Variants in TRMT10B observed in about 807,000 individuals in gnomAD.
TRMT10B encodes the protein tRNA methyltransferase 10 homolog B.
Under a neutral mutation model 43.8 loss-of-function variants are expected in TRMT10B, and 33 were observed. That is an observed-to-expected ratio of 0.75 (90% CI 0.57 to 1.01). TRMT10B has a LOEUF of 1.01. Among genes scored for constraint, TRMT10B ranks in the 50% least tolerant of loss-of-function variants. TRMT10B has a pLI of 0.00. For missense variants in TRMT10B, 362 were observed against 369.8 expected (o/e 0.98, Z 0.17); for synonymous variants, 137 against 130.6 (o/e 1.05, Z -0.34).
At chr9:37,755,433 A>T (rs1825546676) in intron 1 of TRMT10B, among the ~76,000 whole-genome samples, 1 of 152,160 alleles carries the variant, frequency 6.6e-6, no homozygotes. Context: ...CCAAAAAAAA[A>T]TGCTAAATTT....
In TRMT10B at chr9:37,768,133, G is replaced by C. The variant is rs1047842208; in HGVS notation, c.478G>C (p.Asp160His). The C allele has an allele frequency of 1.2e-6, 2 of 1,614,032 alleles. No individual in the cohort carries two copies. Among genetic ancestry groups the C allele is most frequent in the Non-Finnish European group, 1.7e-6 (2 of 1,180,016 alleles). ...RRLYGSNKKA[D>H]RPFWICLTGF... ...GTTGTATGGTTCAAACAAAAAAGCTGACAGGCCATTTTGGATCTGCCTCAC... is the reference window on the plus strand; with the variant it reads ...GTTGTATGGTTCAAACAAAAAAGCTCACAGGCCATTTTGGATCTGCCTCAC... The change falls in exon 5 of 9, where the codon GAC becomes CAC. Residue 160 changes from aspartate (D) to histidine (H), a missense_variant. Coordinates refer to ENST00000297994, the MANE Select transcript of TRMT10B (RefSeq NM_144964.4).
At chr9:37,767,684 C>A (rs1827142381) in intron 4 of TRMT10B, among the ~76,000 whole-genome samples, 1 of 151,964 alleles carries the variant, frequency 6.6e-6, no homozygotes, top group Non-Finnish European at 1.5e-5. Flanking sequence ...AACCCTATTG[C>A]ATCTCCTGAA....
chr9:37,758,807 A>G (rs1423364846), intron 1 of TRMT10B, among the ~76,000 whole-genome samples: 7 of 152,206 alleles, frequency 4.6e-5, no homozygotes. Flanking sequence ...GTAATCCTTG[A>G]GGGAAAAGAA....
chr9:37,753,200 C>CT (rs1182687804), upstream of TRMT10B, among the ~76,000 whole-genome samples: 1 of 152,198 alleles, frequency 6.6e-6, no homozygotes, highest in Non-Finnish European at 1.5e-5. Context: ...GACACGCAGT[C>CT]TTTAAGAATT....
intron 8 of TRMT10B, among the ~76,000 whole-genome samples, chr9:37,777,057 A>G (rs4878175): frequency 1 from 149,968 of 150,586 alleles, 74,682 homozygotes; most frequent in Middle Eastern, 1. Flanking sequence ...AGCAGGGCAT[A>G]GTGGCAGGCG....
chr9:37,762,689 A>G lies in TRMT10B; in HGVS notation c.295+4A>G, dbSNP rs944156896. 3.2e-6 allele frequency: 5 copies of G among 1,573,088 alleles called. No individual in the cohort carries two copies. In the Admixed American group the frequency reaches 9.3e-5, roughly 29 times the overall value. ...GCCAATCGTGCAGAAAATCCAGGTG[A>G]CAATAAATGAGACTGTTGGTATAAT... On this transcript the variant is annotated splice_donor_region_variant and intron_variant, in intron 3 of 8. Transcript: ENST00000297994.
In TRMT10B at chr9:37,762,030, T is replaced by C. The variant is rs375824040; in HGVS notation, c.99T>C (p.Pro33=). ...AGGAGACAGGTGAAGATGGACTTCC[T>C]GAAGGCTTCCAGCTTCTGCAGATCG... The part of the protein sequence containing the change: ...ILEETGEDGL[P]EGFQLLQIDA... The change falls in exon 2 of 9, where the codon CCT becomes CCC. Residue 33 remains proline, a synonymous_variant. Coordinates refer to ENST00000297994, the MANE Select transcript of TRMT10B (RefSeq NM_144964.4). 5 of 1,614,144 alleles carry C rather than the reference T, an allele frequency of 3.1e-6. No homozygotes were observed. The highest frequency in any genetic ancestry group is 4.2e-6 in the Non-Finnish European group (5 of 1,180,022).
rs767106399 is a variant in TRMT10B at position 37,762,019 on chromosome 9, G to A, written c.88G>A (p.Asp30Asn). The A allele has an allele frequency of 1.2e-6, 2 of 1,614,160 alleles. No homozygotes were observed. The highest frequency in any genetic ancestry group is 8.5e-7 in the Non-Finnish European group (1 of 1,180,034). The change falls in exon 2 of 9, where the codon GAT becomes AAT. Residue 30 changes from aspartate (D) to asparagine (N), a missense_variant. Coordinates refer to ENST00000297994, the MANE Select transcript of TRMT10B (RefSeq NM_144964.4). ...QEGILEETGEDGLPEGFQLLQ... is the reference protein window; with the variant it reads ...QEGILEETGENGLPEGFQLLQ... ...AGGCATCCTAGAGGAGACAGGTGAAGATGGACTTCCTGAAGGCTTCCAGCT... is the reference window on the plus strand; with the variant it reads ...AGGCATCCTAGAGGAGACAGGTGAAAATGGACTTCCTGAAGGCTTCCAGCT...
At chr9:37,765,850 T>C (rs1826928882) in intron 4 of TRMT10B, among the ~76,000 whole-genome samples, 1 of 152,236 alleles carries the variant, frequency 6.6e-6, no homozygotes, top group Admixed American at 6.5e-5. Context: ...ATGATGAGCA[T>C]TTTTTCATGT....
At chr9:37,768,499 A>T (rs941712357) in intron 5 of TRMT10B, among the ~76,000 whole-genome samples, 1 of 152,030 alleles carries the variant, frequency 6.6e-6, no homozygotes, top group African/African-American at 2.4e-5. Context: ...AAATGCCATG[A>T]CTCCTTTCTT....
At chr9:37,772,541 A>G (rs1411673838) in intron 7 of TRMT10B, among the ~76,000 whole-genome samples, 1 of 152,142 alleles carries the variant, frequency 6.6e-6, no homozygotes, top group East Asian at 1.9e-4. Context: ...TCAGCATCCC[A>G]GAGTGCTGGG....
chr9:37,778,068 C>A lies in TRMT10B; in HGVS notation c.*361C>A. On this transcript the variant is annotated 3_prime_UTR_variant, in exon 9 of 9. Coordinates refer to ENST00000297994, the MANE Select transcript of TRMT10B (RefSeq NM_144964.4). ...TGAGGCGCTTGGAGGTACCTTGACC[C>A]AAAGAGCAGGGCAGAGGGTGGCAGT... 1 of 198,752 alleles carries A rather than the reference C, an allele frequency of 5.0e-6. No homozygotes were observed. The highest frequency in any genetic ancestry group is 1.0e-5 in the Non-Finnish European group (1 of 96,178). 12.3% of individuals were successfully genotyped at this position (198,752 alleles called of 1,614,324 possible).
rs114214437 is a variant in TRMT10B at position 37,760,021 on chromosome 9, C to G, written c.-29-1882C>G. On this transcript the variant is annotated intron_variant, in intron 1 of 8. Coordinates refer to ENST00000297994, the MANE Select transcript of TRMT10B (RefSeq NM_144964.4). The stretch of plus-strand genomic sequence containing the variant: ...ATCTCAAATTTCAAAATCAAGATAA[C>G]TAATGAAGAATTAAAAATAATAGGC... Among the ~76,000 whole-genome samples the G allele has an allele frequency of 5.4e-3, 817 of 152,206 alleles. 9 individuals carry two copies. Among genetic ancestry groups the G allele is most frequent in the African/African-American group, 0.019 (778 of 41,522 alleles).
intron 1 of TRMT10B, among the ~76,000 whole-genome samples, chr9:37,761,378 C>T (rs903943165): frequency 2.6e-4 from 40 of 152,098 alleles, no homozygotes; most frequent in African/African-American, 3.1e-4. Flanking sequence ...TGCTTGGAGA[C>T]GTCAGGTGTT....
intron 4 of TRMT10B, among the ~76,000 whole-genome samples, chr9:37,765,643 A>G (rs1219437578): frequency 3.9e-5 from 6 of 152,194 alleles, no homozygotes; most frequent in Admixed American, 6.5e-5. Flanking sequence ...CTGGTTCTAG[A>G]TCCCTGAGGA....
chr9:37,753,996 T>A lies in TRMT10B; in HGVS notation c.-30+144T>A, dbSNP rs191978045. ...TGTGGTACTCCACCTTCCTGATACT[T>A]TCCCTTCCTGCTTCCACTCGCACGC... On this transcript the variant is annotated intron_variant, in intron 1 of 8. Transcript: ENST00000297994. 7.5e-3 allele frequency: 1,148 copies of A among 152,490 alleles called. 5 individuals carry two copies. The highest frequency in any genetic ancestry group is 0.018 in the South Asian group (87 of 4,834). The allele number at this position is 152,490 out of a possible 1,614,324, so 9.4% of individuals were successfully genotyped here. A position where few individuals can be genotyped will look rare whatever the true frequency, so the allele number is the denominator to read the frequency against.
In TRMT10B at chr9:37,770,794, G is replaced by C. The variant is rs1827491632; in HGVS notation, c.720+55G>C. On this transcript the variant is annotated intron_variant, in intron 7 of 8. Transcript: ENST00000297994. ...TTTTAAAAAGCAGTGCTTACTTTTAGAGGCATGTGCCCTGTTATAGTCTCC... is the reference window on the plus strand; with the variant it reads ...TTTTAAAAAGCAGTGCTTACTTTTACAGGCATGTGCCCTGTTATAGTCTCC... The C allele has an allele frequency of 5.7e-6, 9 of 1,576,014 alleles. No homozygotes were observed. In the East Asian group the frequency reaches 2.0e-4, roughly 35 times the overall value.
chr9:37,753,325 TTC>T (rs1476391734), upstream of TRMT10B, among the ~76,000 whole-genome samples: 3 of 152,332 alleles, frequency 2.0e-5, no homozygotes, highest in Non-Finnish European at 4.4e-5. Flanking sequence ...TCTACAAAGA[TTC>T]TGTTGTGTCA....
At chr9:37,757,235 C>T (rs970140569) in intron 1 of TRMT10B, among the ~76,000 whole-genome samples, 87 of 152,242 alleles carry the variant, frequency 5.7e-4, no homozygotes, top group African/African-American at 2.0e-3. Context: ...AGGTGTGCAT[C>T]ATCATGCTCA....
Sources: allele counts gnomAD v4.1 joint callset (sites outside exome capture counted in the v4.1 genomes callset), GRCh38; gene constraint gnomAD v4.1.1; transcripts MANE v1.5; gene names NCBI Gene and HGNC (gene_info 2026-07-23, HGNC 2026-07-21).